Variants in GRID2 observed in about 807,000 individuals in gnomAD.
GRID2 encodes the protein glutamate ionotropic receptor delta type subunit 2, also known as glutamate receptor ionotropic, delta-2.
A neutral mutation model predicts 114.8 loss-of-function variants in GRID2; 33 were observed. The ratio of observed to expected loss-of-function variants is 0.29; its 90% confidence interval spans 0.22 to 0.38. The LOEUF (loss-of-function observed/expected upper bound fraction) is 0.38, where lower values mean the gene tolerates loss of function less well. Among genes scored for constraint, GRID2 ranks in the 10% least tolerant of loss-of-function variants. The pLI, the probability that GRID2 is intolerant of heterozygous loss-of-function variation, is 1.00. For synonymous variants in GRID2, 505 were observed against 449.9 expected, an observed-to-expected ratio of 1.12 and a Z score of -1.55; for missense variants, 1,184 against 1,257.7, an observed-to-expected ratio of 0.94 and a Z score of 0.89.
rs1764232477 is a variant in GRID2, at chr4:93,385,529, A to G, written c.1246-10078A>G. Among the ~76,000 whole-genome samples, 2 of 152,162 alleles carry G rather than the reference A, an allele frequency of 1.3e-5. 1 individual carries two copies. Among genetic ancestry groups the G allele is most frequent in the South Asian group, 4.1e-4 (2 of 4,826 alleles). On this transcript the variant is annotated intron_variant, in intron 8 of 15. Coordinates refer to ENST00000282020, the MANE Select transcript of GRID2 (RefSeq NM_001510.4). The stretch of plus-strand genomic sequence containing the variant: ...TTTCATTGTGTGTGAATTGTATACT[A>G]GGCCTGTTCCATGTGCTTGCCATAC...
At chr4:92,423,123 G>C (rs1260379920) in intron 1 of GRID2, among the ~76,000 whole-genome samples, 24 of 152,116 alleles carry the variant, frequency 1.6e-4, no homozygotes, top group Admixed American at 1.6e-3. Flanking sequence ...GAGAAAAATG[G>C]AGTCTACATG....
At chr4:93,024,844 C>A (rs1036027599) in intron 2 of GRID2, among the ~76,000 whole-genome samples, 5 of 151,662 alleles carry the variant, frequency 3.3e-5, no homozygotes, top group Non-Finnish European at 5.9e-5. Flanking sequence ...GGCATTATTT[C>A]TTTGTCAGTG....
intron 8 of GRID2, among the ~76,000 whole-genome samples, chr4:93,375,277 A>T (rs1763274298): frequency 7.1e-6 from 1 of 141,526 alleles, no homozygotes; most frequent in South Asian, 2.2e-4. Context: ...GCAGTACAGG[A>T]TCTTGTCTCG....
intron 8 of GRID2, among the ~76,000 whole-genome samples, chr4:93,294,395 A>C (rs1754068092): frequency 6.6e-6 from 1 of 152,190 alleles, no homozygotes; most frequent in African/African-American, 2.4e-5. Flanking sequence ...TATGTTTTAC[A>C]AGGATTGCTA....
intron 2 of GRID2, among the ~76,000 whole-genome samples, chr4:92,658,822 C>T (rs1732381264): frequency 1.5e-5 from 2 of 130,192 alleles, no homozygotes; most frequent in Non-Finnish European, 3.4e-5. Context: ...TATATATACA[C>T]ACACACAATC....
intron 1 of GRID2, among the ~76,000 whole-genome samples, chr4:92,444,875 T>G (rs1733365004): frequency 6.6e-6 from 1 of 152,146 alleles, no homozygotes. Flanking sequence ...TTTAAACAAA[T>G]AGGTAAATAT....
At chr4:93,684,015 G>A (rs2110099567) in intron 14 of GRID2, among the ~76,000 whole-genome samples, 1 of 151,902 alleles carries the variant, frequency 6.6e-6, no homozygotes, top group South Asian at 2.1e-4. Flanking sequence ...AAATTCTATG[G>A]CTTGTTTATC....
chr4:92,304,300 GA>G lies in GRID2; in HGVS notation c.-356del, dbSNP rs555177740. 1.1e-4 allele frequency: 28 copies of G among 256,214 alleles called. No homozygotes were observed. In the East Asian group the frequency reaches 3.4e-3, roughly 31 times the overall value. The allele number at this position is 256,214 out of a possible 1,614,324, so 15.9% of individuals were successfully genotyped here. On this transcript the variant is annotated 5_prime_UTR_variant, in exon 1 of 16. Transcript: ENST00000282020. Reference sequence around the variant, plus strand: ...AAGTTGCAGCGGAGCTGGGACCGGAGACCCGCGGCCCCCGCGCAGCGATGGG... The same window carrying G: ...AAGTTGCAGCGGAGCTGGGACCGGAGCCCGCGGCCCCCGCGCAGCGATGGG...
At chr4:93,666,164 C>T (rs1286373751) in intron 14 of GRID2, among the ~76,000 whole-genome samples, 1 of 152,048 alleles carries the variant, frequency 6.6e-6, no homozygotes, top group African/African-American at 2.4e-5. Context: ...TTTTTATCTG[C>T]TATGTCTTCA....
intron 3 of GRID2, among the ~76,000 whole-genome samples, chr4:93,106,123 C>G (rs532198784): frequency 2.1e-4 from 32 of 152,248 alleles, no homozygotes; most frequent in African/African-American, 6.3e-4. Flanking sequence ...TTACTGGAAA[C>G]TACAGAAACT....
At chr4:92,940,466 G>A (rs1751023473) in intron 2 of GRID2, among the ~76,000 whole-genome samples, 2 of 151,678 alleles carry the variant, frequency 1.3e-5, no homozygotes, top group Non-Finnish European at 2.9e-5. Context: ...GGAGATTTTG[G>A]GCTGAGACGA....
At chr4:92,682,467 T>C (rs542959119) in intron 2 of GRID2, among the ~76,000 whole-genome samples, 1 of 152,184 alleles carries the variant, frequency 6.6e-6, no homozygotes, top group Non-Finnish European at 1.5e-5. Context: ...CAGTAAGCTT[T>C]GAGAACTACT....
At chr4:92,651,334 A>G (rs1019196951) in intron 2 of GRID2, among the ~76,000 whole-genome samples, 3 of 152,002 alleles carry the variant, frequency 2.0e-5, no homozygotes, top group African/African-American at 7.2e-5. Context: ...TGCGTATACA[A>G]CAGTGGTCAT....
chr4:93,054,342 A>G (rs202004783), intron 2 of GRID2, among the ~76,000 whole-genome samples: 48,054 of 151,240 alleles, frequency 0.32, 8,108 homozygotes, highest in Admixed American at 0.47. Flanking sequence ...GTATTTTTAT[A>G]TTATTGTAAT....
chr4:93,257,796 A>G (rs910756794), intron 8 of GRID2, among the ~76,000 whole-genome samples: 1 of 151,500 alleles, frequency 6.6e-6, no homozygotes, highest in Non-Finnish European at 1.5e-5. Context: ...GGTAATATCT[A>G]TTTATTATTT....
intron 2 of GRID2, among the ~76,000 whole-genome samples, chr4:92,646,309 T>C (rs1175123316): frequency 2.0e-5 from 3 of 152,220 alleles, no homozygotes; most frequent in African/African-American, 7.2e-5. Flanking sequence ...CTTGTAATAA[T>C]TTGTGGGTAT....
chr4:93,704,855 G>A (rs950028414), intron 14 of GRID2, among the ~76,000 whole-genome samples: 1 of 151,920 alleles, frequency 6.6e-6, no homozygotes. Context: ...TTAATCTGTC[G>A]ACGGACACTT....
At chr4:92,712,474 T>C (rs1293094098) in intron 2 of GRID2, among the ~76,000 whole-genome samples, 2 of 152,172 alleles carry the variant, frequency 1.3e-5, no homozygotes, top group Admixed American at 1.3e-4. Flanking sequence ...CAAGTTGCTA[T>C]TTATTATGCT....
In GRID2 at chr4:92,418,217, A is replaced by G. The variant is rs188591576; in HGVS notation, c.88+113473A>G. 3.1e-4 allele frequency among the ~76,000 whole-genome samples: 47 copies of G among 152,206 alleles called. No homozygotes were observed. The East Asian group carries it at 8.9e-3, about 29-fold the overall frequency. On this transcript the variant is annotated intron_variant, in intron 1 of 15. Coordinates refer to ENST00000282020, the MANE Select transcript of GRID2 (RefSeq NM_001510.4). ...CTGAAGAATGAGTATAAATGAGAGC[A>G]ATGAGCATGTCCCCACACTCTATGG... is the stretch of plus-strand genomic sequence containing the variant.
Sources: allele counts gnomAD v4.1 joint callset (sites outside exome capture counted in the v4.1 genomes callset), GRCh38; gene constraint gnomAD v4.1.1; transcripts MANE v1.5; gene names NCBI Gene and HGNC (gene_info 2026-07-23, HGNC 2026-07-21).